JPH3: variants seen among roughly 807,000 people sequenced by gnomAD.
JPH3 encodes the protein junctophilin-3.
A neutral mutation model predicts 59.6 loss-of-function variants in JPH3; 11 were observed. The observed-to-expected ratio is 0.18, with a 90% CI of 0.12 to 0.31. The LOEUF is 0.31. JPH3 is among the 10% of genes least tolerant of loss of function. JPH3 has a pLI of 1.00. For synonymous variants in JPH3, 673 were observed against 483.6 expected (o/e 1.39, Z -5.14); for missense variants, 1,202 against 1,105.7 (o/e 1.09, Z -1.24).
chr16:87,697,460 C>G lies in JPH3; in HGVS notation c.*800C>G, dbSNP rs2033932324. 6.6e-6 allele frequency: 1 copy of G among 150,432 alleles called. No homozygotes were observed. The highest frequency in any genetic ancestry group is 6.6e-5 in the Admixed American group (1 of 15,266). The allele number at this position is 150,432 out of a possible 1,614,324, so 9.3% of individuals were successfully genotyped here. A position where few individuals can be genotyped will look rare whatever the true frequency, so the allele number is the denominator to read the frequency against. On this transcript the variant is annotated 3_prime_UTR_variant, in exon 5 of 5. Coordinates refer to ENST00000284262, the MANE Select transcript of JPH3 (RefSeq NM_020655.4). ...CCTGGGCTCAGCTAAGCACGGAAGC[C>G]AAGGGGGCTGTGCCGTGGAGCTGGG...
chr16:87,628,767 G>T (rs1208069042), intron 1 of JPH3, among the ~76,000 whole-genome samples: 2 of 152,178 alleles, frequency 1.3e-5, no homozygotes, highest in Non-Finnish European at 2.9e-5. Context: ...TTCATGGGAG[G>T]TGGGAGAGCT....
intron 2 of JPH3, among the ~76,000 whole-genome samples, chr16:87,659,592 G>T (rs769307099): frequency 7.2e-5 from 11 of 151,876 alleles, no homozygotes; most frequent in Non-Finnish European, 1.5e-4. Flanking sequence ...GTATTAGTGG[G>T]TGTGGTGACA....
At chr16:87,686,206 C>G (rs936025109) in intron 3 of JPH3, among the ~76,000 whole-genome samples, 3 of 152,206 alleles carry the variant, frequency 2.0e-5, no homozygotes, top group Non-Finnish European at 4.4e-5. Context: ...TGCTCCAGTC[C>G]CAAGAAATGG....
chr16:87,637,422 T>TGTGTGTGTG (rs2031791331), intron 1 of JPH3, among the ~76,000 whole-genome samples: 2 of 147,498 alleles, frequency 1.4e-5, no homozygotes, highest in African/African-American at 5.0e-5. Flanking sequence ...GTGTGTGTGT[T>TGTGTGTGTG]TGTGTGTGTG....
At chr16:87,631,848 T>C (rs56716359) in intron 1 of JPH3, among the ~76,000 whole-genome samples, 3,685 of 152,316 alleles carry the variant, frequency 0.024, 103 homozygotes, top group African/African-American at 0.067. Context: ...TATTATACTT[T>C]TAATTTCCAG....
At position 87,690,013 on chromosome 16, in the gene JPH3, G is replaced by A; in HGVS notation, c.1653G>A (p.Leu551=). 6.6e-7 allele frequency: 1 copy of A among 1,524,226 alleles called. No homozygotes were observed. Among genetic ancestry groups the A allele is most frequent in the Non-Finnish European group, 8.8e-7 (1 of 1,134,958 alleles). 94.4% of individuals were successfully genotyped at this position (1,524,226 alleles called of 1,614,324 possible). A position where few individuals can be genotyped will look rare whatever the true frequency, so the allele number is the denominator to read the frequency against. Residue 551 remains leucine (L), a synonymous_variant, in exon 4 of 5, where the codon CTG becomes CTA. Coordinates refer to ENST00000284262, the MANE Select transcript of JPH3 (RefSeq NM_020655.4). ...GVRSGALRGG[L]LVDDFRTRGS... ...GCAGCGGTGCCCTGCGCGGCGGCCTGCTCGTGGATGACTTCCGCACCCGAG... is the reference window on the plus strand; with the variant it reads ...GCAGCGGTGCCCTGCGCGGCGGCCTACTCGTGGATGACTTCCGCACCCGAG...
At chr16:87,636,462 C>G (rs2031751256) in intron 1 of JPH3, among the ~76,000 whole-genome samples, 1 of 152,180 alleles carries the variant, frequency 6.6e-6, no homozygotes, top group South Asian at 2.1e-4. Flanking sequence ...CTTTATTGAG[C>G]AACCGAGGGA....
intron 2 of JPH3, among the ~76,000 whole-genome samples, chr16:87,647,248 A>G (rs1340701836): frequency 6.6e-6 from 1 of 151,966 alleles, no homozygotes; most frequent in African/African-American, 2.4e-5. Flanking sequence ...AGACCCATGC[A>G]AAGGAGCCGG....
intron 2 of JPH3, among the ~76,000 whole-genome samples, chr16:87,657,484 C>T (rs980610839): frequency 3.9e-5 from 6 of 152,158 alleles, no homozygotes; most frequent in African/African-American, 1.4e-4. Context: ...GTGACCGATG[C>T]ACAGCGTTGA....
chr16:87,618,730 G>C (rs1349950709), intron 1 of JPH3, among the ~76,000 whole-genome samples: 1 of 152,134 alleles, frequency 6.6e-6, no homozygotes, highest in African/African-American at 2.4e-5. Flanking sequence ...GTCTCTCTAG[G>C]TGCTTGTCGG....
At chr16:87,626,382 C>T (rs2031376140) in intron 1 of JPH3, among the ~76,000 whole-genome samples, 1 of 152,224 alleles carries the variant, frequency 6.6e-6, no homozygotes, top group Admixed American at 6.5e-5. Flanking sequence ...CTCTCTCCGA[C>T]CGCGAGTCCT....
chr16:87,616,189 T>TG (rs1198105468), intron 1 of JPH3, among the ~76,000 whole-genome samples: 23 of 129,434 alleles, frequency 1.8e-4, no homozygotes, highest in East Asian at 8.7e-4. Flanking sequence ...GCAATCTGGT[T>TG]TTGTGTGTGT....
chr16:87,616,561 T>C (rs1443176651), intron 1 of JPH3, among the ~76,000 whole-genome samples: 1 of 152,014 alleles, frequency 6.6e-6, no homozygotes, highest in Non-Finnish European at 1.5e-5. Flanking sequence ...GGTTTTGTAT[T>C]TTTGTAATTA....
chr16:87,660,427 C>G (rs1449809339), intron 2 of JPH3, among the ~76,000 whole-genome samples: 2 of 152,142 alleles, frequency 1.3e-5, no homozygotes, highest in African/African-American at 4.8e-5. Context: ...AGAGCCTCTC[C>G]CAGGGCTCTG....
rs538335447 is a variant in JPH3, at chr16:87,681,319, A to G, written c.1161-2823A>G. Among the ~76,000 whole-genome samples, 161 of 144,082 alleles carry G rather than the reference A, an allele frequency of 1.1e-3. 1 individual carries two copies. The highest frequency in any genetic ancestry group is 4.1e-3 in the African/African-American group (158 of 38,126). The allele number at this position is 144,082 out of a possible 152,430, so 94.5% of individuals were successfully genotyped here. On this transcript the variant is annotated intron_variant, in intron 2 of 4. Transcript: ENST00000284262. ...TGCGCACGGTGATGACAGTTCCGGG[A>G]GGTCAGGTGCGCGCGGTCGTGACAG...
At chr16:87,659,374 C>CGAA (rs1362136229) in intron 2 of JPH3, among the ~76,000 whole-genome samples, 1 of 74,556 alleles carries the variant, frequency 1.3e-5, no homozygotes, top group African/African-American at 6.2e-5. Flanking sequence ...AAGACTGTCT[C>CGAA]AAAAAAAAAA....
At chr16:87,692,889 G>T (rs1045770466) in intron 4 of JPH3, among the ~76,000 whole-genome samples, 3 of 152,202 alleles carry the variant, frequency 2.0e-5, no homozygotes, top group Non-Finnish European at 4.4e-5. Context: ...TGGCAGAAGA[G>T]GTGCCACTGA....
intron 1 of JPH3, among the ~76,000 whole-genome samples, chr16:87,623,826 T>C (rs530814029): frequency 1.1e-4 from 16 of 152,354 alleles, no homozygotes; most frequent in African/African-American, 3.8e-4. Flanking sequence ...TGTGGGGTCC[T>C]CCCTGGGGAC....
intron 2 of JPH3, among the ~76,000 whole-genome samples, chr16:87,649,928 G>C (rs1262001087): frequency 2.6e-5 from 4 of 152,232 alleles, no homozygotes; most frequent in African/African-American, 9.6e-5. Flanking sequence ...TTTCTGCTGG[G>C]ACCCCCTCTC....
Sources: allele counts gnomAD v4.1 joint callset (sites outside exome capture counted in the v4.1 genomes callset), GRCh38; gene constraint gnomAD v4.1.1; transcripts MANE v1.5; gene names NCBI Gene and HGNC (gene_info 2026-07-23, HGNC 2026-07-21).